The following CPED1 variants were observed in gnomAD, a reference collection of about 807,000 sequenced individuals.
CPED1 encodes the protein cadherin-like and PC-esterase domain-containing protein 1.
In CPED1, 114 loss-of-function variants were observed where a neutral mutation model predicts 128.2. The ratio of observed to expected loss-of-function variants is 0.89; its 90% CI spans 0.76 to 1.04. The LOEUF (loss-of-function observed/expected upper bound fraction) is 1.04, where lower values mean the gene tolerates loss of function less well. Ranked by LOEUF, CPED1 falls within the 50% of genes least tolerant of loss-of-function variation. CPED1 has a pLI of 0.00. For missense variants in CPED1, 1,211 were observed against 1,207.1 expected, an observed-to-expected ratio of 1.00 and a Z score of -0.05; for synonymous variants, 462 against 426.7, an observed-to-expected ratio of 1.08 and a Z score of -1.02.
chr7:121,066,381 A>G (rs1793831748), intron 5 of CPED1, among the ~76,000 whole-genome samples: 1 of 152,086 alleles, frequency 6.6e-6, no homozygotes, highest in African/African-American at 2.4e-5. Context: ...TTAATTTTAA[A>G]AGGCAGATTG....
At chr7:121,040,920 T>C (rs1793033281) in intron 3 of CPED1, among the ~76,000 whole-genome samples, 1 of 152,058 alleles carries the variant, frequency 6.6e-6, no homozygotes, top group Admixed American at 6.6e-5. Flanking sequence ...CTATACTTTA[T>C]AAATCTGTTC....
chr7:121,047,698 T>TCCTCCTCCTCCTCCTCCTCCTCCTCC (rs1793243819), intron 4 of CPED1, among the ~76,000 whole-genome samples: 1 of 35,654 alleles, frequency 2.8e-5, no homozygotes, highest in African/African-American at 9.3e-5. Flanking sequence ...CTTCTTCTTC[T>TCCTCCTCCTCCTCCTCCTCCTCCTCC]TCTTCTTCTT....
intron 16 of CPED1, among the ~76,000 whole-genome samples, chr7:121,157,720 C>G (rs1358892700): frequency 1.3e-5 from 2 of 152,132 alleles, no homozygotes; most frequent in Non-Finnish European, 2.9e-5. Flanking sequence ...AATCAGGTAT[C>G]AGACCCGCTG....
chr7:121,223,794 C>A (rs201914702), intron 16 of CPED1, among the ~76,000 whole-genome samples: 1 of 151,972 alleles, frequency 6.6e-6, no homozygotes, highest in Non-Finnish European at 1.5e-5. Context: ...TCTGTGGGAT[C>A]GGTGGTGATA....
chr7:121,172,032 A>G (rs1209179079), intron 16 of CPED1, among the ~76,000 whole-genome samples: 2 of 152,216 alleles, frequency 1.3e-5, no homozygotes, highest in Non-Finnish European at 2.9e-5. Flanking sequence ...TGACAGCTAT[A>G]TAAAAAAATA....
chr7:121,067,362 GTGTT>G (rs1391676064), intron 5 of CPED1, among the ~76,000 whole-genome samples: 1 of 151,944 alleles, frequency 6.6e-6, no homozygotes, highest in African/African-American at 2.4e-5. Context: ...AGAACATGTG[GTGTT>G]TGTTTTTTTG....
chr7:121,198,649 C>T (rs974019279), intron 16 of CPED1, among the ~76,000 whole-genome samples: 6 of 152,218 alleles, frequency 3.9e-5, no homozygotes, highest in South Asian at 2.1e-4. Context: ...AAATTCACTA[C>T]GCCAGAGCCT....
At position 121,266,295 on chromosome 7, in the gene CPED1, G is replaced by A. The variant is rs770034279; in HGVS notation, c.2379G>A (p.Thr793=). The A allele has an allele frequency of 1.1e-5, 18 of 1,613,034 alleles. No homozygotes were observed. In the African/African-American group the frequency reaches 1.2e-4, roughly 11 times the overall value. ...MYYLIERLNE[T]LQEWQKVHGT... ...ATCTTATTGAAAGGCTGAATGAAACGTTGCAGGAATGGCAGAAAGTACATG... is the reference window on the plus strand; with the variant it reads ...ATCTTATTGAAAGGCTGAATGAAACATTGCAGGAATGGCAGAAAGTACATG... Residue 793 remains threonine (T), a synonymous_variant, in exon 19 of 23, where the codon ACG becomes ACA. Coordinates refer to ENST00000310396, the MANE Select transcript of CPED1 (RefSeq NM_024913.5).
intron 17 of CPED1, among the ~76,000 whole-genome samples, chr7:121,243,610 ACC>A (rs1201618170): frequency 6.6e-6 from 1 of 152,228 alleles, no homozygotes; most frequent in Admixed American, 6.5e-5. Flanking sequence ...AACTGTACAC[ACC>A]TCATCTAACA....
In CPED1 at chr7:120,989,558, CA is replaced by C; in HGVS notation, c.-58del. On this transcript the variant is annotated 5_prime_UTR_variant, in exon 2 of 23. It introduces an in-frame stop codon into an upstream open reading frame of the 5' UTR. Coordinates refer to ENST00000310396, the MANE Select transcript of CPED1 (RefSeq NM_024913.5). The stretch of plus-strand genomic sequence containing the variant: ...GACAGATTAGTATTTTTCATGCTGA[CA>C]AAAAATAGCTGCTATGACTTTTCCC... The C allele has an allele frequency of 6.3e-7, 1 of 1,578,462 alleles. No individual in the cohort carries two copies. The highest frequency in any genetic ancestry group is 8.6e-7 in the Non-Finnish European group (1 of 1,161,546).
At chr7:121,183,439 A>G (rs1306677316) in intron 16 of CPED1, among the ~76,000 whole-genome samples, 2 of 152,190 alleles carry the variant, frequency 1.3e-5, no homozygotes, top group African/African-American at 4.8e-5. Flanking sequence ...CCAAAGAAAG[A>G]GAGGAGGACA....
At chr7:120,992,934 G>T (rs1458269955) in intron 2 of CPED1, among the ~76,000 whole-genome samples, 2 of 152,114 alleles carry the variant, frequency 1.3e-5, no homozygotes, top group Non-Finnish European at 2.9e-5. Flanking sequence ...TTTCAATATG[G>T]ATTGAAATCA....
chr7:121,170,183 G>C (rs1257669300), intron 16 of CPED1, among the ~76,000 whole-genome samples: 1 of 152,152 alleles, frequency 6.6e-6, no homozygotes, highest in Admixed American at 6.6e-5. Flanking sequence ...AATCTGTCTA[G>C]TTTTTGCAGC....
chr7:121,179,554 G>A (rs1796856363), intron 16 of CPED1, among the ~76,000 whole-genome samples: 1 of 151,978 alleles, frequency 6.6e-6, no homozygotes, highest in Admixed American at 6.6e-5. Flanking sequence ...TTTTTCATGT[G>A]TCTATACCTT....
At chr7:121,278,222 G>T (rs1163186549) in intron 22 of CPED1, among the ~76,000 whole-genome samples, 1 of 152,074 alleles carries the variant, frequency 6.6e-6, no homozygotes, top group East Asian at 1.9e-4. Flanking sequence ...AAACAGAGAG[G>T]AAATAATCAA....
intron 16 of CPED1, among the ~76,000 whole-genome samples, chr7:121,214,266 T>G (rs1384151317): frequency 6.6e-6 from 1 of 152,024 alleles, no homozygotes; most frequent in Non-Finnish European, 1.5e-5. Context: ...TAGTGACCTT[T>G]AAGGCTGCTC....
In CPED1 at chr7:121,097,754, G is replaced by A. The variant is rs1794732997; in HGVS notation, c.672G>A (p.Lys224=). The part of the protein sequence containing the change: ...SVCLDQGMQL[K]PSTSSHLLKT... ...GTCTGGATCAGGGAATGCAATTAAA[G>A]CCGAGTACTTCGAGTCACCTTTTAA... The change falls in exon 6 of 23, where the codon AAG becomes AAA. Residue 224 remains lysine (K), a synonymous_variant. Coordinates refer to ENST00000310396, the MANE Select transcript of CPED1 (RefSeq NM_024913.5). The A allele has an allele frequency of 5.6e-6, 9 of 1,613,874 alleles. No individual in the cohort carries two copies. The highest frequency in any genetic ancestry group is 7.6e-6 in the Non-Finnish European group (9 of 1,179,806).
chr7:121,108,404 G>T (rs1039846861), intron 7 of CPED1, among the ~76,000 whole-genome samples: 3 of 152,068 alleles, frequency 2.0e-5, no homozygotes, highest in Admixed American at 6.6e-5. Context: ...AGAACACTTT[G>T]TAAAATTTAA....
chr7:121,136,037 T>A lies in CPED1; in HGVS notation c.1649-3T>A, dbSNP rs1795776517. ...TTAAATTTACATTTCTTTTTTTTTT[T>A]AGCTGCAGTTCCACAAATTAAAAAT... On this transcript the variant is annotated splice_region_variant and splice_polypyrimidine_tract_variant and intron_variant, in intron 13 of 22. Transcript: ENST00000310396. 3 of 1,519,620 alleles carry A rather than the reference T, an allele frequency of 2.0e-6. No individual in the cohort carries two copies. Among genetic ancestry groups the A allele is most frequent in the African/African-American group, 1.4e-5 (1 of 70,962 alleles). The allele number at this position is 1,519,620 out of a possible 1,614,324, so 94.1% of individuals were successfully genotyped here.
Sources: gnomAD v4.1 joint callset for allele counts (sites outside exome capture counted in the v4.1 genomes callset) on GRCh38, gnomAD v4.1.1 for gene constraint, MANE v1.5 for transcripts, NCBI Gene and HGNC (gene_info 2026-07-23, HGNC 2026-07-21) for gene names.